The following UNC79 variants were observed in gnomAD, a reference collection of about 807,000 sequenced individuals.
The protein encoded by UNC79 is protein unc-79 homolog.
A neutral mutation model predicts 283.1 loss-of-function variants in UNC79; 37 were observed. The ratio of observed to expected loss-of-function variants is 0.13; its 90% confidence interval spans 0.10 to 0.17. The LOEUF (loss-of-function observed/expected upper bound fraction) is 0.17. UNC79 is among the 10% of genes least tolerant of loss of function. The pLI is 1.00. For missense variants in UNC79, 2,272 were observed against 3,211.1 expected (o/e 0.71, Z 7.07); for synonymous variants, 1,107 against 1,200.2 (o/e 0.92, Z 1.61).
chr14:93,507,231 T>G (rs961044950), intron 7 of UNC79, among the ~76,000 whole-genome samples: 1 of 152,176 alleles, frequency 6.6e-6, no homozygotes, highest in Non-Finnish European at 1.5e-5. Context: ...TTTTGTGGAC[T>G]TACGCATTTA....
At position 93,634,464 on chromosome 14, in the gene UNC79, C is replaced by T. The variant is rs2068333934; in HGVS notation, c.5717-2752C>T. The T allele has an allele frequency of 3.1e-6, 4 of 1,290,208 alleles. No homozygotes were observed. In the South Asian group the frequency reaches 3.7e-5, roughly 12 times the overall value. The allele number at this position is 1,290,208 out of a possible 1,614,324, so 79.9% of individuals were successfully genotyped here. ...TAAAATTCTATATGGATGTGTGGAG[C>T]CTTTGTGTGCTGTGGAAATTTATTA... On this transcript the variant is annotated intron_variant, in intron 31 of 48. Coordinates refer to ENST00000555664, the Ensembl canonical transcript of UNC79.
intron 4 of UNC79, 108 bp downstream of exon 4, chr14:93,477,836 G>A: frequency 9.7e-7 from 1 of 1,031,934 alleles, no homozygotes; most frequent in Non-Finnish European, 1.4e-6. Context: ...GGAATCACTT[G>A]ATATATACAG....
At chr14:93,689,680 G>C (rs909005977) in intron 44 of UNC79, 3 of 157,258 alleles carry the variant, frequency 1.9e-5, no homozygotes, top group African/African-American at 7.2e-5. Context: ...GTAGAGACGG[G>C]GTTTTGCCAT....
chr14:93,447,062 G>A (rs1025826922), intron 1 of UNC79, among the ~76,000 whole-genome samples: 1 of 152,028 alleles, frequency 6.6e-6, no homozygotes, highest in Non-Finnish European at 1.5e-5. Flanking sequence ...CTGTTACTGG[G>A]TTCATATACA....
At chr14:93,552,130 G>A (rs2061930289) in intron 14 of UNC79, among the ~76,000 whole-genome samples, 1 of 152,220 alleles carries the variant, frequency 6.6e-6, no homozygotes, top group South Asian at 2.1e-4. Flanking sequence ...TTAATAAAAT[G>A]CCTAAGTCCA....
In UNC79 at chr14:93,643,539, T is replaced by A. The variant is rs138369274; in HGVS notation, c.5904-18T>A. 5.5e-4 allele frequency: 894 copies of A among 1,613,694 alleles called. 22 individuals carry two copies. In the East Asian group the frequency reaches 0.02, roughly 36 times the overall value. ...GGTTCTTTCTTTCATGGAAAGCATG[T>A]CTCTCTTTTCTTTGCAGATGCCATG... On this transcript the variant is annotated intron_variant, in intron 33 of 48. Transcript: ENST00000555664.
intron 1 of UNC79, among the ~76,000 whole-genome samples, chr14:93,395,483 A>G (rs1017580239): frequency 6.6e-6 from 1 of 152,178 alleles, no homozygotes; most frequent in Non-Finnish European, 1.5e-5. Flanking sequence ...GAAATGTTAC[A>G]TGCCAGATCT....
Position 93,404,493 on chromosome 14 carries a change from A to AAAAAAATATATATATATATATAT in UNC79, c.-350-63177_-350-63176insAAAAATATATATATATATATATA. Among the ~76,000 whole-genome samples the AAAAAAATATATATATATATATAT allele has an allele frequency of 1.3e-3, 82 of 61,430 alleles. 3 individuals are homozygous for AAAAAAATATATATATATATATAT. The highest frequency in any genetic ancestry group is 3.9e-3 in the African/African-American group (59 of 14,962). The allele number at this position is 61,430 out of a possible 152,430, so 40.3% of individuals were successfully genotyped here. A position where few individuals can be genotyped will look rare whatever the true frequency, so the allele number is the denominator to read the frequency against. On this transcript the variant is annotated intron_variant, in intron 1 of 49. Coordinates refer to the UNC79 transcript ENST00000256339. ...TGACAGAGTGAGACCTTCTAAAAAA[A>AAAAAAATATATATATATATATAT]ATATATATATATATATATATAAATA...
At chr14:93,706,678 T>G (rs1396002465) in intron 48 of UNC79, 26 bp from the exon 52 acceptor site, 2 of 1,613,428 alleles carry the variant, frequency 1.2e-6, no homozygotes, top group Non-Finnish European at 8.5e-7. Context: ...AGAAATAAAC[T>G]AAAACCTCTT....
At chr14:93,360,729 CA>C (rs1334237605) in intron 1 of UNC79, among the ~76,000 whole-genome samples, 4 of 152,186 alleles carry the variant, frequency 2.6e-5, no homozygotes, top group African/African-American at 9.7e-5. Context: ...TGATTGGATC[CA>C]GTGAGCAAGA....
At chr14:93,411,880 G>A (rs954277342) in intron 1 of UNC79, among the ~76,000 whole-genome samples, 22 of 152,196 alleles carry the variant, frequency 1.4e-4, no homozygotes, top group African/African-American at 3.6e-4. Context: ...ATGCCCAGAC[G>A]CAGACAAACA....
In UNC79 at chr14:93,455,946, A is replaced by G. The variant is rs201219215; in HGVS notation, c.23-11725A>G. ...TGTGTGTGTGTGTGTGTGTGTGTGT[A>G]TGTGTGTGAAAAGCTCTCATTGTTG... On this transcript the variant is annotated intron_variant, in intron 1 of 48. Transcript: ENST00000555664. Among the ~76,000 whole-genome samples, 205 of 126,894 alleles carry G rather than the reference A, an allele frequency of 1.6e-3. 2 individuals are homozygous for G. The highest frequency in any genetic ancestry group is 3.8e-3 in the Middle Eastern group (1 of 262). 83.2% of individuals were successfully genotyped at this position (126,894 alleles called of 152,430 possible). A position where few individuals can be genotyped will look rare whatever the true frequency, so the allele number is the denominator to read the frequency against.
exon 15 of UNC79, chr14:93,571,959 C>G (rs773092725): frequency 6.2e-7 from 1 of 1,614,098 alleles, no homozygotes; most frequent in African/African-American, 1.3e-5. Context: ...TCAACCGAAT[C>G]CTCTGCCTGA....
intron 5 of UNC79, among the ~76,000 whole-genome samples, chr14:93,490,090 G>A (rs761440240): frequency 6.6e-6 from 1 of 152,174 alleles, no homozygotes; most frequent in Non-Finnish European, 1.5e-5. Context: ...GGGGTGGCAT[G>A]CCCTGAAGTC....
intron 46 of UNC79, 34 bp downstream of exon 49, chr14:93,691,980 G>C: frequency 6.2e-7 from 1 of 1,602,254 alleles, no homozygotes. Flanking sequence ...TTCTGAGATG[G>C]AATCTCAAAG....
At chr14:93,660,511 A>T (rs1278243250) in intron 39 of UNC79, among the ~76,000 whole-genome samples, 1 of 130,566 alleles carries the variant, frequency 7.7e-6, no homozygotes, top group Non-Finnish European at 1.6e-5. Flanking sequence ...CAATGTTTCA[A>T]GACAATAGCA....
At chr14:93,705,948 T>C (rs2075850485) in intron 48 of UNC79, among the ~76,000 whole-genome samples, 1 of 152,178 alleles carries the variant, frequency 6.6e-6, no homozygotes, top group Non-Finnish European at 1.5e-5. Context: ...GCCTTGGTGC[T>C]ATTTGTGGCG....
chr14:93,668,539 C>CT (rs1237378071), intron 40 of UNC79, among the ~76,000 whole-genome samples: 4 of 148,256 alleles, frequency 2.7e-5, no homozygotes, highest in African/African-American at 1.0e-4. Flanking sequence ...GGCGAGACTC[C>CT]ATCTCTATAC....
At chr14:93,696,975 C>A (rs2075179653) in intron 47 of UNC79, among the ~76,000 whole-genome samples, 1 of 150,520 alleles carries the variant, frequency 6.6e-6, no homozygotes, top group African/African-American at 2.4e-5. Context: ...ATTGAGGTAC[C>A]TTTTTTGTAT....
Sources: allele counts gnomAD v4.1 joint callset (sites outside exome capture counted in the v4.1 genomes callset), GRCh38; gene constraint gnomAD v4.1.1; transcripts MANE v1.5; gene names NCBI Gene and HGNC (gene_info 2026-07-23, HGNC 2026-07-21).